The following POFUT3 variants were observed in gnomAD, a reference collection of about 807,000 sequenced individuals.
POFUT3 encodes protein O-fucosyltransferase 3.
the POFUT3 span, among the ~76,000 whole-genome samples, chr8:33,353,689 G>A: frequency 3.2e-3 from 492 of 152,252 alleles, 2 homozygotes; most frequent in African/African-American, 0.011. Context: ...GTGAGATCTG[G>A]CACCTGAGCC....
At chr8:33,388,155 CAT>C in the POFUT3 span, among the ~76,000 whole-genome samples, 9 of 152,136 alleles carry the variant, frequency 5.9e-5, no homozygotes, top group East Asian at 3.9e-4. Flanking sequence ...TTAATAAGCA[CAT>C]GTTTGCCAGA....
At chr8:33,427,001 A>G in the POFUT3 span, among the ~76,000 whole-genome samples, 1 of 152,218 alleles carries the variant, frequency 6.6e-6, no homozygotes, top group African/African-American at 2.4e-5. Context: ...GAGGGTACCA[A>G]CTGCAGAGAA....
chr8:33,467,895 A>C, the POFUT3 span, among the ~76,000 whole-genome samples: 145 of 152,188 alleles, frequency 9.5e-4, no homozygotes, highest in Middle Eastern at 0.014. Flanking sequence ...TGCGTGTCTG[A>C]CTGTAAAATG....
the POFUT3 span, among the ~76,000 whole-genome samples, chr8:33,415,246 A>G: frequency 1.3e-5 from 2 of 152,320 alleles, no homozygotes; most frequent in South Asian, 4.1e-4. Context: ...TGTGCAACAC[A>G]GTGAGACTCT....
chr8:33,333,507 T>C, the POFUT3 span, among the ~76,000 whole-genome samples: 1 of 152,112 alleles, frequency 6.6e-6, no homozygotes, highest in Non-Finnish European at 1.5e-5. Context: ...AATCATATAA[T>C]GAAGGGGCTT....
At chr8:33,464,987 C>A in the POFUT3 span, among the ~76,000 whole-genome samples, 12,844 of 152,146 alleles carry the variant, frequency 0.084, 713 homozygotes, top group African/African-American at 0.16. Flanking sequence ...ATTAACCACA[C>A]ACAACATGGA....
At chr8:33,370,804 A>G in the POFUT3 span, 2 of 152,234 alleles carry the variant, frequency 1.3e-5, no homozygotes, top group Admixed American at 6.5e-5. Context: ...TGAGGGTTCA[A>G]AAAAACACAA....
the POFUT3 span, among the ~76,000 whole-genome samples, chr8:33,446,775 T>A: frequency 6.6e-6 from 1 of 152,166 alleles, no homozygotes; most frequent in Admixed American, 6.6e-5. Flanking sequence ...GAATCTCCTA[T>A]GTAGGTCAAT....
At chr8:33,451,633 C>T in the POFUT3 span, 4 of 150,780 alleles carry the variant, frequency 2.7e-5, no homozygotes, top group East Asian at 5.9e-4. Flanking sequence ...TGTGTGTATA[C>T]GTGTATATGT....
At chr8:33,379,176 C>T in the POFUT3 span, among the ~76,000 whole-genome samples, 1 of 152,082 alleles carries the variant, frequency 6.6e-6, no homozygotes, top group African/African-American at 2.4e-5. Context: ...CCAAGACCTC[C>T]CTCGCCATGC....
At chr8:33,310,177 A>G in the POFUT3 span, among the ~76,000 whole-genome samples, 1 of 152,162 alleles carries the variant, frequency 6.6e-6, no homozygotes, top group Non-Finnish European at 1.5e-5. Flanking sequence ...TATGACTCCT[A>G]TCTTTTACTC....
the POFUT3 span, among the ~76,000 whole-genome samples, chr8:33,344,544 TATC>T: frequency 3.9e-5 from 6 of 152,240 alleles, no homozygotes; most frequent in Non-Finnish European, 4.4e-5. Flanking sequence ...CATCCTGCCT[TATC>T]AGCAGGCACC....
At chr8:33,462,095 G>C in the POFUT3 span, among the ~76,000 whole-genome samples, 5 of 13,422 alleles carry the variant, frequency 3.7e-4, no homozygotes, top group South Asian at 2.5e-3. Flanking sequence ...GGGAGGCAGA[G>C]GTTGCAGTGA....
At chr8:33,378,617 A>G in the POFUT3 span, among the ~76,000 whole-genome samples, 1 of 152,176 alleles carries the variant, frequency 6.6e-6, no homozygotes, top group Non-Finnish European at 1.5e-5. Context: ...TAAGGAATGA[A>G]TAACAGGAGT....
the POFUT3 span, among the ~76,000 whole-genome samples, chr8:33,346,177 A>AC: frequency 6.6e-6 from 1 of 151,666 alleles, no homozygotes; most frequent in Non-Finnish European, 1.5e-5. Flanking sequence ...AAAAAAAAAA[A>AC]AACTCTGTGA....
At chr8:33,308,076 G>A in the POFUT3 span, among the ~76,000 whole-genome samples, 5 of 151,880 alleles carry the variant, frequency 3.3e-5, no homozygotes, top group Non-Finnish European at 5.9e-5. Flanking sequence ...ATGTATTTTG[G>A]GATTTATTGC....
At chr8:33,342,981 C>T in the POFUT3 span, among the ~76,000 whole-genome samples, 2 of 152,002 alleles carry the variant, frequency 1.3e-5, no homozygotes, top group African/African-American at 2.4e-5. Context: ...GTGTCGCATG[C>T]CTGTAATCCC....
the POFUT3 span, among the ~76,000 whole-genome samples, chr8:33,348,807 G>A: frequency 0.012 from 1,831 of 152,280 alleles, 17 homozygotes; most frequent in Middle Eastern, 0.041. Flanking sequence ...GGTGCAGGCA[G>A]AGCACAGGGG....
the POFUT3 span, among the ~76,000 whole-genome samples, chr8:33,410,852 A>G: frequency 4.6e-5 from 7 of 152,138 alleles, no homozygotes; most frequent in African/African-American, 1.2e-4. Flanking sequence ...CTCCTCTGCA[A>G]CCTGAAAGCA....
Sources: gnomAD v4.1 joint callset for allele counts (sites outside exome capture counted in the v4.1 genomes callset) on GRCh38, gnomAD v4.1.1 for gene constraint, MANE v1.5 for transcripts, NCBI Gene and HGNC (gene_info 2026-07-23, HGNC 2026-07-21) for gene names.